MYO7B: variants seen among roughly 807,000 people sequenced by gnomAD.
MYO7B encodes myosin VIIB.
A neutral mutation model predicts 259.7 loss-of-function variants in MYO7B; 212 were observed. The ratio of observed to expected loss-of-function variants is 0.82; its 90% confidence interval spans 0.73 to 0.91. The LOEUF (loss-of-function observed/expected upper bound fraction) is 0.91, where lower values mean the gene tolerates loss of function less well. Ranked by LOEUF, MYO7B falls within the 40% of genes least tolerant of loss-of-function variation. MYO7B has a pLI of 0.00. For missense variants in MYO7B, 2,732 were observed against 2,813.5 expected (o/e 0.97, Z 0.66); for synonymous variants, 1,197 against 1,166.4 (o/e 1.03, Z -0.54).
In MYO7B at chr2:127,636,768, G is replaced by A. The variant is rs763737911; in HGVS notation, c.6208-26G>A. The A allele has an allele frequency of 4.0e-5, 65 of 1,612,418 alleles. No homozygotes were observed. The Admixed American group carries it at 7.3e-4, about 18-fold the overall frequency. ...CAGAGCCCGTGCTCTGGAGGCGTCC[G>A]GCCCACCCACCCTCTCTGCCCCCAG... is the stretch of plus-strand genomic sequence containing the variant. On this transcript the variant is annotated intron_variant, in intron 46 of 47. Transcript: ENST00000409816. The surrounding 1 kb of genome is among the most constrained non-coding windows in gnomAD (Gnocchi z 4.5).
At chr2:127,634,104 T>C in intron 40 of MYO7B, 72 bp from the exon 41 acceptor site, 1 of 1,254,022 alleles carries the variant, frequency 8.0e-7, no homozygotes, top group Non-Finnish European at 1.1e-6. Context: ...AGTGCCAGGC[T>C]AGGAAGGCTC....
Position 127,612,134 on chromosome 2 carries a change from G to A in MYO7B, c.3193-116G>A, listed in dbSNP as rs1358186408. On this transcript the variant is annotated intron_variant, in intron 24 of 47. Transcript: ENST00000409816. ...GGGACTGCATGGTGCTTTATAAATC[G>A]GGCCAGGAAATGGCTGGGTGAAAGG... 16 of 454,760 alleles carry A rather than the reference G, an allele frequency of 3.5e-5. 1 individual carries two copies. The highest frequency in any genetic ancestry group is 1.8e-4 in the South Asian group (11 of 61,880). 28.2% of individuals were successfully genotyped at this position (454,760 alleles called of 1,614,324 possible).
chr2:127,634,054 G>A lies in MYO7B; in HGVS notation c.5512-122G>A, dbSNP rs369457353. 3 of 757,780 alleles carry A rather than the reference G, an allele frequency of 4.0e-6. No homozygotes were observed. The African/African-American group carries it at 5.4e-5, about 14-fold the overall frequency. 46.9% of individuals were successfully genotyped at this position (757,780 alleles called of 1,614,324 possible). ...CTGGAAGGGAGGCTTGCCCTGCTCA[G>A]GGCAGACCACATCCAACCCAAGTTT... On this transcript the variant is annotated intron_variant, in intron 40 of 47. Coordinates refer to ENST00000409816, the MANE Select transcript of MYO7B (RefSeq NM_001393586.1).
intron 15 of MYO7B, among the ~76,000 whole-genome samples, chr2:127,589,885 T>C (rs1168727381): frequency 3.4e-5 from 4 of 117,666 alleles, no homozygotes; most frequent in Non-Finnish European, 7.1e-5. Context: ...GGTGGATGGA[T>C]AGGTGTGTGA....
rs1336923833 is a variant in MYO7B at position 127,621,934 on chromosome 2, G to A, written c.3526-48G>A. The A allele has an allele frequency of 3.2e-6, 5 of 1,551,354 alleles. No individual in the cohort carries two copies. In the African/African-American group the frequency reaches 6.8e-5, roughly 21 times the overall value. ...CCACCTGGGTGGTGAGTAGAAACTG[G>A]CCTCCTTTCTGAGTGTCTTCCTCCC... is the stretch of plus-strand genomic sequence containing the variant. On this transcript the variant is annotated intron_variant, in intron 27 of 47. Transcript: ENST00000409816.
intron 38 of MYO7B, 91 bp downstream of exon 38, chr2:127,631,844 G>C (rs1190712243): frequency 4.7e-6 from 7 of 1,488,736 alleles, no homozygotes; most frequent in Non-Finnish European, 6.3e-6. Flanking sequence ...GGACACCGCA[G>C]CTGGTGGCGG....
chr2:127,569,915 G>T lies in MYO7B; in HGVS notation c.592+5G>T. On this transcript the variant is annotated splice_donor_5th_base_variant and intron_variant, in intron 6 of 47. Transcript: ENST00000409816. ...AAGCCAACCCCATCCTGGAGGGTAA[G>T]CATCACTCTGGGACCCGCCCTTCTC... 2 of 1,610,472 alleles carry T rather than the reference G, an allele frequency of 1.2e-6. No individual in the cohort carries two copies. The highest frequency in any genetic ancestry group is 4.5e-5 in the East Asian group (2 of 44,778).
At chr2:127,593,076 T>G in intron 17 of MYO7B, 130 bp downstream of exon 17, 1 of 1,212,366 alleles carries the variant, frequency 8.2e-7, no homozygotes, top group Non-Finnish European at 1.1e-6. Context: ...ATGAGCCCTG[T>G]CCTTCCTCCC....
Position 127,613,552 on chromosome 2 carries a change from C to G in MYO7B, c.3398+949C>G, listed in dbSNP as rs1449336116. Among the ~76,000 whole-genome samples, 2 of 152,186 alleles carry G rather than the reference C, an allele frequency of 1.3e-5. No individual in the cohort carries two copies. The highest frequency in any genetic ancestry group is 2.9e-5 in the Non-Finnish European group (2 of 68,046). On this transcript the variant is annotated intron_variant, in intron 26 of 47. Coordinates refer to ENST00000409816, the MANE Select transcript of MYO7B (RefSeq NM_001393586.1). This position sits in a 1 kb window ranked among gnomAD's most constrained non-coding sequence, Gnocchi z 4.3. ...CAAATCCAATACCTGGGTCATCTCA[C>G]GGTCAGTCTCTATTAACTGTCTTTT... is the stretch of plus-strand genomic sequence containing the variant.
Position 127,584,863 on chromosome 2 carries a change from C to A in MYO7B, c.1640C>A (p.Ala547Asp). The change falls in exon 14 of 48, where the codon GCC (alanine) becomes GAC (aspartate). Residue 547 changes from alanine (A) to aspartate (D), a missense_variant. Physicochemically the swap from Ala to Asp is moderately radical, Grantham distance 126. Coordinates refer to ENST00000409816, the MANE Select transcript of MYO7B (RefSeq NM_001393586.1). The surrounding 1 kb of genome is among the most constrained non-coding windows in gnomAD (Gnocchi z 5.8). ...CTACAGCCCAAGAACATCCACGATG[C>A]CAGATTTGGCATTGCCCATTTTGCC... is the stretch of plus-strand genomic sequence containing the variant. ...AFLQPKNIHD[A>D]RFGIAHFAGE... 2 of 1,613,982 alleles carry A rather than the reference C, an allele frequency of 1.2e-6. No individual in the cohort carries two copies. Among genetic ancestry groups the A allele is most frequent in the Non-Finnish European group, 1.7e-6 (2 of 1,179,900 alleles).
In MYO7B at chr2:127,539,850, G is replaced by T. The variant is rs572561293; in HGVS notation, c.-24+4019G>T. On this transcript the variant is annotated intron_variant, in intron 1 of 47. Transcript: ENST00000409816. The surrounding 1 kb of genome is among the most constrained non-coding windows in gnomAD (Gnocchi z 4.0). The stretch of plus-strand genomic sequence containing the variant: ...ACCCAGCTCCAGCCTTCCCCCGAAA[G>T]TCCCCAAAGTCCATTGTATCGTTCT... 2.6e-5 allele frequency among the ~76,000 whole-genome samples: 4 copies of T among 152,328 alleles called. No homozygotes were observed. In the South Asian group the frequency reaches 8.3e-4, roughly 32 times the overall value.
intron 27 of MYO7B, 119 bp downstream of exon 27, chr2:127,620,585 G>A (rs919847792): frequency 3.7e-5 from 46 of 1,243,832 alleles, no homozygotes; most frequent in Non-Finnish European, 4.7e-5. Flanking sequence ...TCCTGCTCCT[G>A]CAGGCCAGAT....
chr2:127,579,037 T>C (rs1463590741), intron 9 of MYO7B, among the ~76,000 whole-genome samples: 2 of 150,530 alleles, frequency 1.3e-5, no homozygotes, highest in Non-Finnish European at 3.0e-5. Flanking sequence ...AAGAACCCAA[T>C]GGATGGTTTA....
chr2:127,577,705 T>C lies in MYO7B; in HGVS notation c.850-428T>C, dbSNP rs1020961546. 2.0e-5 allele frequency among the ~76,000 whole-genome samples: 3 copies of C among 152,174 alleles called. No homozygotes were observed. Among genetic ancestry groups the C allele is most frequent in the African/African-American group, 7.2e-5 (3 of 41,450 alleles). On this transcript the variant is annotated intron_variant, in intron 8 of 47. Coordinates refer to ENST00000409816, the MANE Select transcript of MYO7B (RefSeq NM_001393586.1). The surrounding 1 kb of genome is among the most constrained non-coding windows in gnomAD (Gnocchi z 5.2). ...TCGATAGGGCTGGCCCCGGCCCCTG[T>C]GGTCTGGGCACCTGTAACAGGCAAA...
chr2:127,622,100 A>G lies in MYO7B; in HGVS notation c.3644A>G (p.Gln1215Arg), dbSNP rs1573706174. 1.3e-6 allele frequency: 2 copies of G among 1,548,948 alleles called. No homozygotes were observed. The highest frequency in any genetic ancestry group is 1.7e-4 in the Middle Eastern group (1 of 5,914). Residue 1215 changes from glutamine (Q) to arginine (R), a missense_variant and splice_region_variant, in exon 28 of 48, where the codon CAG (glutamine) becomes CGG (arginine). This residue lies in a region of MYO7B where 1,906 missense variants were observed against 2,026.4 expected (regional missense o/e 0.94). Transcript: ENST00000409816. ...RAEPPTWLEL[Q>R]AVKSKKHIPI... Reference sequence around the variant, plus strand: ...GAGCCCCCCACCTGGCTGGAGCTGCAGGTAGGGGCTGGCAGGGGTGAGAGC... The same window carrying G: ...GAGCCCCCCACCTGGCTGGAGCTGCGGGTAGGGGCTGGCAGGGGTGAGAGC...
intron 36 of MYO7B, 66 bp downstream of exon 36, chr2:127,630,974 C>A (rs536909224): frequency 6.8e-7 from 1 of 1,471,232 alleles, no homozygotes; most frequent in Non-Finnish European, 9.2e-7. Flanking sequence ...CCTCATTGCA[C>A]CCCCTGCTCC....
chr2:127,548,215 T>A (rs1035987160), intron 1 of MYO7B, among the ~76,000 whole-genome samples: 6 of 152,202 alleles, frequency 3.9e-5, no homozygotes, highest in Non-Finnish European at 8.8e-5. Context: ...TTGGTTAGCC[T>A]GACAGAAGTT....
intron 38 of MYO7B, 42 bp from the exon 39 acceptor site, chr2:127,632,204 C>G (rs1280736206): frequency 1.3e-6 from 2 of 1,590,034 alleles, no homozygotes; most frequent in African/African-American, 2.7e-5. Context: ...TGGCCAGGGC[C>G]CCCTGAGGGG....
intron 19 of MYO7B, among the ~76,000 whole-genome samples, chr2:127,602,960 A>G (rs1278460343): frequency 6.6e-6 from 1 of 151,888 alleles, no homozygotes; most frequent in South Asian, 2.1e-4. Flanking sequence ...AGATTGCACC[A>G]CTGTACTCCA....
Sources: gnomAD v4.1 joint callset for allele counts (sites outside exome capture counted in the v4.1 genomes callset) on GRCh38, gnomAD v4.1.1 for gene constraint, gnomAD v4.1.1 regional missense constraint, Gnocchi (gnomAD v3.1) non-coding constraint, MANE v1.5 for transcripts, NCBI Gene and HGNC (gene_info 2026-07-23, HGNC 2026-07-21) for gene names.